ABL2: variants seen among roughly 807,000 people sequenced by gnomAD.
The protein encoded by ABL2 is tyrosine-protein kinase ABL2.
In ABL2, 49 loss-of-function variants were observed where a neutral mutation model predicts 107.7. The ratio of observed to expected loss-of-function variants is 0.45; its 90% CI spans 0.36 to 0.58. The LOEUF (loss-of-function observed/expected upper bound fraction) is 0.58. Ranked by LOEUF, ABL2 falls within the 20% of genes least tolerant of loss-of-function variation. ABL2 has a pLI of 0.00. For synonymous variants in ABL2, 549 were observed against 548.6 expected, an observed-to-expected ratio of 1.00 and a Z score of -0.01; for missense variants, 1,245 against 1,457.0, an observed-to-expected ratio of 0.85 and a Z score of 2.37.
intron 1 of ABL2, among the ~76,000 whole-genome samples, chr1:179,137,416 CCA>C (rs1301553585): frequency 6.6e-6 from 1 of 152,022 alleles, no homozygotes; most frequent in Non-Finnish European, 1.5e-5. Context: ...ACTACATAAT[CCA>C]CACTTATAAA....
chr1:179,225,688 G>T (rs1365787435), intron 1 of ABL2, among the ~76,000 whole-genome samples: 1 of 152,120 alleles, frequency 6.6e-6, no homozygotes, highest in Admixed American at 6.6e-5. Flanking sequence ...ACAATGCACA[G>T]GACAGCCCCC....
chr1:179,124,323 T>G lies in ABL2; in HGVS notation c.687+2054A>C, dbSNP rs151247458. ...CAGAAAATTGATAATTTTTACAAAGTAAACTCACCCATGTAAACATCACCC... is the reference window on the plus strand; with the variant it reads ...CAGAAAATTGATAATTTTTACAAAGGAAACTCACCCATGTAAACATCACCC... On this transcript the variant is annotated intron_variant, in intron 4 of 11. Coordinates refer to ENST00000502732, the MANE Select transcript of ABL2 (RefSeq NM_007314.4). Among the ~76,000 whole-genome samples the G allele has an allele frequency of 5.0e-3, 757 of 151,910 alleles. 5 individuals carry two copies. Among genetic ancestry groups the G allele is most frequent in the African/African-American group, 0.017 (695 of 41,444 alleles).
At chr1:179,170,468 G>C (rs1659653641) in intron 1 of ABL2, among the ~76,000 whole-genome samples, 3 of 151,946 alleles carry the variant, frequency 2.0e-5, no homozygotes, top group African/African-American at 4.8e-5. Flanking sequence ...CCAGGCTGGA[G>C]TGCAGTAGCG....
At chr1:179,110,221 C>A (rs562940909) in intron 11 of ABL2, 61 bp downstream of exon 11, 1 of 1,590,612 alleles carries the variant, frequency 6.3e-7, no homozygotes, top group Non-Finnish European at 8.6e-7. Flanking sequence ...AAGCCTCACA[C>A]CCCATGCTTC....
At chr1:179,217,332 G>A (rs6685371) in intron 1 of ABL2, among the ~76,000 whole-genome samples, 2,480 of 144,164 alleles carry the variant, frequency 0.017, 68 homozygotes, top group African/African-American at 0.06. Context: ...AGAGCCGCTC[G>A]GCCTGTGGCT....
chr1:179,111,686 A>T (rs1654092371), intron 10 of ABL2, among the ~76,000 whole-genome samples: 1 of 152,150 alleles, frequency 6.6e-6, no homozygotes, highest in Non-Finnish European at 1.5e-5. Flanking sequence ...AAACATGGTT[A>T]TTGGACATAT....
chr1:179,189,520 T>C (rs1660877985), intron 1 of ABL2, among the ~76,000 whole-genome samples: 1 of 152,198 alleles, frequency 6.6e-6, no homozygotes, highest in Non-Finnish European at 1.5e-5. Flanking sequence ...CCTACTCTTG[T>C]ATCATATTAC....
chr1:179,187,796 A>G (rs1660758269), intron 1 of ABL2, among the ~76,000 whole-genome samples: 1 of 152,186 alleles, frequency 6.6e-6, no homozygotes, highest in South Asian at 2.1e-4. Flanking sequence ...TGTATACTCT[A>G]TGGCTATTTC....
intron 1 of ABL2, among the ~76,000 whole-genome samples, chr1:179,192,036 T>G (rs946204600): frequency 6.6e-6 from 1 of 152,240 alleles, no homozygotes; most frequent in African/African-American, 2.4e-5. Flanking sequence ...GAGTAACTTA[T>G]ACTTGGTGAC....
chr1:179,184,729 A>G (rs936256287), intron 1 of ABL2, among the ~76,000 whole-genome samples: 3 of 152,042 alleles, frequency 2.0e-5, no homozygotes, highest in African/African-American at 7.2e-5. Flanking sequence ...TCCTTTTTAA[A>G]ATTTTCTCCA....
At chr1:179,141,374 A>G (rs1276590136) in intron 1 of ABL2, among the ~76,000 whole-genome samples, 2 of 152,162 alleles carry the variant, frequency 1.3e-5, no homozygotes, top group Non-Finnish European at 2.9e-5. Flanking sequence ...GGACATGTTT[A>G]TAATAAGGGG....
At chr1:179,116,092 G>C (rs1338119073) in intron 8 of ABL2, among the ~76,000 whole-genome samples, 1 of 152,154 alleles carries the variant, frequency 6.6e-6, no homozygotes, top group African/African-American at 2.4e-5. Flanking sequence ...CCTAATGTGA[G>C]GCTGAGCACA....
chr1:179,162,278 T>A (rs772805724), intron 1 of ABL2, among the ~76,000 whole-genome samples: 3 of 152,144 alleles, frequency 2.0e-5, no homozygotes, highest in Non-Finnish European at 2.9e-5. Flanking sequence ...ATTAATATAT[T>A]CACGTTCCTA....
At chr1:179,123,481 G>A (rs1041493440) in intron 4 of ABL2, among the ~76,000 whole-genome samples, 4 of 151,946 alleles carry the variant, frequency 2.6e-5, no homozygotes, top group African/African-American at 9.7e-5. Context: ...TTCTAGAGTG[G>A]GTGACAGAGC....
rs184357498 is a variant in ABL2, at chr1:179,132,787, C to A, written c.220+525G>T. On this transcript the variant is annotated intron_variant, in intron 2 of 11. Transcript: ENST00000502732. ...GAACTCCTGACCTCAGGTGATCCACCCGCCTCAGCCTCCCAAAGTGCTGGG... is the reference window on the plus strand; with the variant it reads ...GAACTCCTGACCTCAGGTGATCCACACGCCTCAGCCTCCCAAAGTGCTGGG... Among the ~76,000 whole-genome samples, 720 of 151,812 alleles carry A rather than the reference C, an allele frequency of 4.7e-3. 7 individuals are homozygous for A. The highest frequency in any genetic ancestry group is 0.017 in the African/African-American group (689 of 41,374).
At chr1:179,173,358 A>ATGTTT (rs1659840889) in intron 1 of ABL2, among the ~76,000 whole-genome samples, 1 of 106,122 alleles carries the variant, frequency 9.4e-6, no homozygotes, top group Non-Finnish European at 1.8e-5. Context: ...AAAGGCTGTA[A>ATGTTT]TTTTTTTTTT....
intron 1 of ABL2, among the ~76,000 whole-genome samples, chr1:179,152,576 G>A (rs1658425913): frequency 6.6e-6 from 1 of 152,142 alleles, no homozygotes; most frequent in Admixed American, 6.6e-5. Flanking sequence ...TTGTGTTTGT[G>A]TGTAAGTAAA....
At chr1:179,116,623 A>T (rs1654658411) in intron 8 of ABL2, among the ~76,000 whole-genome samples, 1 of 147,666 alleles carries the variant, frequency 6.8e-6, no homozygotes. Flanking sequence ...TGATTCTCCT[A>T]CCTCAGCCTC....
chr1:179,110,396 G>A lies in ABL2; in HGVS notation c.1711C>T (p.Arg571Trp), dbSNP rs769288931. ...SSSSVVPYLP[R>W]LPILPSKTRT... Reference sequence around the variant, plus strand: ...GTCTTGGAAGGAAGTATAGGTAGCCGGGGCAGGTATGGAACAACAGATGAC... The same window carrying A: ...GTCTTGGAAGGAAGTATAGGTAGCCAGGGCAGGTATGGAACAACAGATGAC... The change falls in exon 11 of 12, where the codon CGG (arginine) becomes TGG (tryptophan). Residue 571 changes from arginine (R) to tryptophan (W), a missense_variant. Transcript: ENST00000502732. 50 of 1,614,160 alleles carry A rather than the reference G, an allele frequency of 3.1e-5. No homozygotes were observed. The highest frequency in any genetic ancestry group is 2.2e-4 in the South Asian group (20 of 91,088).
Sources: allele counts gnomAD v4.1 joint callset (sites outside exome capture counted in the v4.1 genomes callset), GRCh38; gene constraint gnomAD v4.1.1; transcripts MANE v1.5; gene names NCBI Gene and HGNC (gene_info 2026-07-23, HGNC 2026-07-21).